Variants in CHD7 observed in about 807,000 individuals in gnomAD.
CHD7 encodes the protein chromodomain helicase DNA binding protein 7.
CHD7 carries 24 observed loss-of-function variants against 307.3 expected under a neutral mutation model. That is an observed-to-expected ratio of 0.08 (90% CI 0.06 to 0.11). The LOEUF (loss-of-function observed/expected upper bound fraction) is 0.11, where lower values mean the gene tolerates loss of function less well. Among genes scored for constraint, CHD7 ranks in the 10% least tolerant of loss-of-function variants. The pLI is 1.00. For synonymous variants in CHD7, 1,363 were observed against 1,349.9 expected (o/e 1.01, Z -0.21); for missense variants, 3,106 against 3,727.1 (o/e 0.83, Z 4.34).
intron 1 of CHD7, among the ~76,000 whole-genome samples, chr8:60,724,358 C>A (rs1289174417): frequency 6.6e-6 from 1 of 152,202 alleles, no homozygotes; most frequent in Non-Finnish European, 1.5e-5. Flanking sequence ...TGAGGTTAAA[C>A]TGGGAGCAAG....
At chr8:60,790,107 A>T (rs950791782) in intron 3 of CHD7, among the ~76,000 whole-genome samples, 16 of 152,242 alleles carry the variant, frequency 1.1e-4, no homozygotes, top group African/African-American at 3.9e-4. Flanking sequence ...GACCTCCAGC[A>T]GCATCCTCAG....
intron 15 of CHD7, among the ~76,000 whole-genome samples, chr8:60,833,276 T>C (rs1232741590): frequency 2.0e-5 from 3 of 152,242 alleles, no homozygotes; most frequent in Non-Finnish European, 2.9e-5. Flanking sequence ...TGAAAGCTTA[T>C]GTATGAGTTA....
intron 25 of CHD7, 81 bp downstream of exon 25, chr8:60,849,235 A>C: frequency 1.2e-6 from 1 of 852,554 alleles, no homozygotes; most frequent in Non-Finnish European, 1.9e-6. Flanking sequence ...TCTTTTCCAA[A>C]GTCATAATAT....
chr8:60,721,979 A>T (rs1043964352), intron 1 of CHD7, among the ~76,000 whole-genome samples: 1 of 152,190 alleles, frequency 6.6e-6, no homozygotes, highest in African/African-American at 2.4e-5. Flanking sequence ...GGGGTCGGGG[A>T]TGTTGCATTC....
intron 2 of CHD7, among the ~76,000 whole-genome samples, chr8:60,765,727 T>C (rs1308584633): frequency 2.0e-5 from 3 of 152,164 alleles, no homozygotes; most frequent in Non-Finnish European, 2.9e-5. Context: ...CCCGCACCAG[T>C]GGTGCTGAGG....
rs1389529717 is a variant in CHD7, at chr8:60,867,429, G to C, written c.*1496G>C. ...AACAGACCCACTTAAGCACGCACGC[G>C]CGCACGCACGGTCTCAGGAGCTACT... On this transcript the variant is annotated 3_prime_UTR_variant, in exon 38 of 38. Coordinates refer to ENST00000423902, the MANE Select transcript of CHD7 (RefSeq NM_017780.4). 1 of 152,220 alleles carries C rather than the reference G, an allele frequency of 6.6e-6. No homozygotes were observed. The highest frequency in any genetic ancestry group is 2.4e-5 in the African/African-American group (1 of 41,474). 9.4% of individuals were successfully genotyped at this position (152,220 alleles called of 1,614,324 possible).
chr8:60,684,070 T>A (rs1281426361), intron 1 of CHD7, among the ~76,000 whole-genome samples: 1 of 152,208 alleles, frequency 6.6e-6, no homozygotes, highest in African/African-American at 2.4e-5. Flanking sequence ...AACATGATTG[T>A]TTTTTCAGAG....
chr8:60,750,257 A>T (rs888571764), intron 2 of CHD7, among the ~76,000 whole-genome samples: 15 of 152,200 alleles, frequency 9.9e-5, no homozygotes, highest in Non-Finnish European at 1.6e-4. Flanking sequence ...CTGCATTTTC[A>T]TCTTGGTGTC....
chr8:60,772,030 T>C (rs1810737644), intron 2 of CHD7, among the ~76,000 whole-genome samples: 1 of 152,202 alleles, frequency 6.6e-6, no homozygotes, highest in African/African-American at 2.4e-5. Context: ...GGTCCCTCCA[T>C]AGTCAGAAGA....
At chr8:60,786,892 G>A (rs142784583) in intron 3 of CHD7, among the ~76,000 whole-genome samples, 12 of 152,206 alleles carry the variant, frequency 7.9e-5, no homozygotes, top group African/African-American at 2.9e-4. Context: ...GGCAGTCTTC[G>A]GGTGCTTGTG....
chr8:60,730,970 C>T (rs1463269296), intron 1 of CHD7, among the ~76,000 whole-genome samples: 1 of 152,174 alleles, frequency 6.6e-6, no homozygotes, highest in Non-Finnish European at 1.5e-5. Context: ...CTGCACTGTC[C>T]CATCCAGGAC....
At chr8:60,839,526 A>G (rs1483168444) in intron 19 of CHD7, among the ~76,000 whole-genome samples, 2 of 152,190 alleles carry the variant, frequency 1.3e-5, no homozygotes, top group South Asian at 2.1e-4. Flanking sequence ...AAGTGACTGT[A>G]CTAGTTTCCT....
chr8:60,760,582 A>G (rs1214930753), intron 2 of CHD7, among the ~76,000 whole-genome samples: 21 of 146,036 alleles, frequency 1.4e-4, no homozygotes, highest in Middle Eastern at 3.6e-3. Context: ...GAAAATTTTC[A>G]CAACCTACTC....
rs750289635 is a variant in CHD7 at position 60,853,178 on chromosome 8, C to G, written c.6453C>G (p.Val2151=). Residue 2151 remains valine, a synonymous_variant, in exon 31 of 38, where the codon GTC becomes GTG. Coordinates refer to ENST00000423902, the MANE Select transcript of CHD7 (RefSeq NM_017780.4). ...TGAACCCACTGGCAGTTGGATTTGTCCAGACTCCTCCAGTCATCTCATCTG... is the reference window on the plus strand; with the variant it reads ...TGAACCCACTGGCAGTTGGATTTGTGCAGACTCCTCCAGTCATCTCATCTG... ...SSLNPLAVGF[V]QTPPVISSAH... is the part of the protein sequence containing the mutation. 4.3e-6 allele frequency: 7 copies of G among 1,613,848 alleles called. No homozygotes were observed. In the South Asian group the frequency reaches 6.6e-5, roughly 15 times the overall value.
rs1312717613 is a variant in CHD7 at position 60,824,072 on chromosome 8, A to G, written c.3378+56A>G. The G allele has an allele frequency of 2.0e-6, 3 of 1,479,954 alleles. No individual in the cohort carries two copies. The African/African-American group carries it at 4.2e-5, about 21-fold the overall frequency. 91.7% of individuals were successfully genotyped at this position (1,479,954 alleles called of 1,614,324 possible). A position where few individuals can be genotyped will look rare whatever the true frequency, so the allele number is the denominator to read the frequency against. ...CCTGAATAGAATTGTTGCTGACTTG[A>G]TAGTCCCGTTGCTCAGAATTTGATG... On this transcript the variant is annotated intron_variant, in intron 13 of 37. Transcript: ENST00000423902.
At chr8:60,764,950 TGTTA>T (rs1018740454) in intron 2 of CHD7, among the ~76,000 whole-genome samples, 3 of 152,210 alleles carry the variant, frequency 2.0e-5, no homozygotes, top group South Asian at 2.1e-4. Context: ...TGTGTGCATT[TGTTA>T]GTTCTACAAA....
chr8:60,781,753 C>G (rs1427967601), intron 3 of CHD7, among the ~76,000 whole-genome samples: 1 of 152,172 alleles, frequency 6.6e-6, no homozygotes, highest in African/African-American at 2.4e-5. Flanking sequence ...CCAGCAACCT[C>G]ATTTTCAGTG....
intron 2 of CHD7, among the ~76,000 whole-genome samples, chr8:60,745,250 T>G (rs1383611847): frequency 1.3e-5 from 2 of 152,174 alleles, no homozygotes; most frequent in Non-Finnish European, 2.9e-5. Context: ...TTTAGAGCAG[T>G]GGTTTCTCAG....
intron 1 of CHD7, among the ~76,000 whole-genome samples, chr8:60,709,703 T>C (rs766216356): frequency 3.3e-5 from 5 of 152,202 alleles, no homozygotes; most frequent in Non-Finnish European, 5.9e-5. Flanking sequence ...AAAGGGAAAC[T>C]ATTTGAGATG....
Sources: allele counts gnomAD v4.1 joint callset (sites outside exome capture counted in the v4.1 genomes callset), GRCh38; gene constraint gnomAD v4.1.1; transcripts MANE v1.5; gene names NCBI Gene and HGNC (gene_info 2026-07-23, HGNC 2026-07-21).